The following ROR1 variants were observed in gnomAD, a reference collection of about 807,000 sequenced individuals.
ROR1 encodes inactive tyrosine-protein kinase transmembrane receptor ROR1.
In ROR1, 19 loss-of-function variants were observed where a neutral mutation model predicts 78.8. The ratio of observed to expected loss-of-function variants is 0.24; its 90% confidence interval spans 0.17 to 0.35. The LOEUF (loss-of-function observed/expected upper bound fraction) is 0.35, where lower values mean the gene tolerates loss of function less well. Among genes scored for constraint, ROR1 ranks in the 10% least tolerant of loss-of-function variants. ROR1 has a pLI of 1.00. For missense variants in ROR1, 917 were observed against 1,177.8 expected (o/e 0.78, Z 3.24); for synonymous variants, 386 against 433.6 (o/e 0.89, Z 1.36).
At chr1:64,052,804 A>G (rs1646843794) in intron 4 of ROR1, among the ~76,000 whole-genome samples, 1 of 151,954 alleles carries the variant, frequency 6.6e-6, no homozygotes, top group Non-Finnish European at 1.5e-5. Context: ...TTGCAGTTAC[A>G]TCTCCATTCT....
In ROR1 at chr1:63,842,437, G is replaced by A. The variant is rs569092994; in HGVS notation, c.91+67929G>A. On this transcript the variant is annotated intron_variant, in intron 1 of 8. Transcript: ENST00000371079. ...GACATCCATACATGAAGTGCATTGC[G>A]TTACAGGAGAGAAACTCTGAACTTA... Among the ~76,000 whole-genome samples, 14 of 152,274 alleles carry A rather than the reference G, an allele frequency of 9.2e-5. No individual in the cohort carries two copies. The South Asian group carries it at 1.0e-3, about 11-fold the overall frequency.
At position 64,178,885 on chromosome 1, in the gene ROR1, A is replaced by G. The variant is rs775766951; in HGVS notation, c.*30A>G. On this transcript the variant is annotated 3_prime_UTR_variant, in exon 9 of 9. Transcript: ENST00000371079. This position sits in a 1 kb window ranked among gnomAD's most constrained non-coding sequence, Gnocchi z 4.3. ...CACAACTTTTGTAAATGTGGTATAC[A>G]GGACAAACTAGACGGCCGTAGAAAA... 5 of 1,499,216 alleles carry G rather than the reference A, an allele frequency of 3.3e-6. No homozygotes were observed. The highest frequency in any genetic ancestry group is 1.7e-4 in the Middle Eastern group (1 of 5,730). The allele number at this position is 1,499,216 out of a possible 1,614,324, so 92.9% of individuals were successfully genotyped here. A position where few individuals can be genotyped will look rare whatever the true frequency, so the allele number is the denominator to read the frequency against.
chr1:64,045,670 G>A (rs902565166), intron 2 of ROR1, among the ~76,000 whole-genome samples: 2 of 152,102 alleles, frequency 1.3e-5, no homozygotes, highest in African/African-American at 4.8e-5. Flanking sequence ...TGTTTTCCAT[G>A]TGTAAAATGT....
At chr1:63,960,160 A>G (rs1258352313) in intron 1 of ROR1, among the ~76,000 whole-genome samples, 2 of 152,216 alleles carry the variant, frequency 1.3e-5, no homozygotes, top group African/African-American at 2.4e-5. Context: ...TCTTACATCT[A>G]AAAGAAACGT....
intron 1 of ROR1, among the ~76,000 whole-genome samples, chr1:63,780,860 C>G (rs568362459): frequency 1.9e-4 from 29 of 152,190 alleles, no homozygotes; most frequent in Non-Finnish European, 3.5e-4. Flanking sequence ...GGGAATGTTA[C>G]ATTTCAGGGA....
chr1:64,084,814 G>T (rs1341272927), intron 4 of ROR1, among the ~76,000 whole-genome samples: 1 of 152,246 alleles, frequency 6.6e-6, no homozygotes, highest in Non-Finnish European at 1.5e-5. Context: ...GCCTTGAGAA[G>T]GTCAACGCGA....
chr1:63,863,359 A>G (rs1299480668), intron 1 of ROR1, among the ~76,000 whole-genome samples: 5 of 152,198 alleles, frequency 3.3e-5, no homozygotes, highest in African/African-American at 1.2e-4. Flanking sequence ...GAGGTAAATG[A>G]GTAAACAGAT....
At chr1:63,873,870 G>T (rs767967499) in intron 1 of ROR1, among the ~76,000 whole-genome samples, 3 of 152,116 alleles carry the variant, frequency 2.0e-5, no homozygotes, top group Admixed American at 2.0e-4. Flanking sequence ...ACTTGGAAGT[G>T]CTCATATTCT....
intron 1 of ROR1, among the ~76,000 whole-genome samples, chr1:63,883,741 T>C (rs1645338568): frequency 6.6e-6 from 1 of 152,164 alleles, no homozygotes; most frequent in South Asian, 2.1e-4. Context: ...CAGCTTGAGT[T>C]CTGAGTCTGA....
intron 1 of ROR1, among the ~76,000 whole-genome samples, chr1:63,868,766 C>T (rs926283217): frequency 1.3e-5 from 2 of 152,190 alleles, no homozygotes; most frequent in African/African-American, 4.8e-5. Flanking sequence ...TTTCATGGGG[C>T]ACATGCCTCT....
At chr1:63,883,607 G>A (rs1036294581) in intron 1 of ROR1, among the ~76,000 whole-genome samples, 1 of 152,122 alleles carries the variant, frequency 6.6e-6, no homozygotes, top group African/African-American at 2.4e-5. Context: ...GAAATGAGCT[G>A]GCCTCAGAGA....
chr1:63,852,512 T>G (rs550055469), intron 1 of ROR1, among the ~76,000 whole-genome samples: 14 of 152,368 alleles, frequency 9.2e-5, no homozygotes, highest in African/African-American at 3.4e-4. Flanking sequence ...GAGGTGTTTT[T>G]ATTCACAGAT....
intron 1 of ROR1, among the ~76,000 whole-genome samples, chr1:63,852,907 A>G (rs1480127638): frequency 6.6e-6 from 1 of 152,204 alleles, no homozygotes; most frequent in African/African-American, 2.4e-5. Flanking sequence ...TCTGTGGCCC[A>G]GGGTTTACAG....
chr1:64,079,301 A>G (rs1647078779), intron 4 of ROR1, among the ~76,000 whole-genome samples: 1 of 152,212 alleles, frequency 6.6e-6, no homozygotes, highest in Non-Finnish European at 1.5e-5. Flanking sequence ...ATCATCTGCC[A>G]AGGATGTTGT....
At chr1:63,988,261 T>C (rs1373270410) in intron 1 of ROR1, among the ~76,000 whole-genome samples, 1 of 152,190 alleles carries the variant, frequency 6.6e-6, no homozygotes, top group African/African-American at 2.4e-5. Flanking sequence ...TGTATTTTTA[T>C]GGAAAAATAA....
rs1645286943 is a variant in ROR1 at position 63,876,647 on chromosome 1, TG to T, written c.91+102140del. On this transcript the variant is annotated intron_variant, in intron 1 of 8. Coordinates refer to ENST00000371079, the MANE Select transcript of ROR1 (RefSeq NM_005012.4). ...TATGCATGTGTTTCCACGAAAGGGG[TG>T]TGTGTGTGTGTGTGTGTGTGTGTGT... is the stretch of plus-strand genomic sequence containing the variant. Among the ~76,000 whole-genome samples the T allele has an allele frequency of 2.9e-5, 3 of 101,730 alleles. No individual in the cohort carries two copies. The East Asian group carries it at 7.8e-4, about 26-fold the overall frequency. 66.7% of individuals were successfully genotyped at this position (101,730 alleles called of 152,430 possible). A position where few individuals can be genotyped will look rare whatever the true frequency, so the allele number is the denominator to read the frequency against.
chr1:63,936,993 T>C (rs2100451599), intron 1 of ROR1, among the ~76,000 whole-genome samples: 1 of 152,314 alleles, frequency 6.6e-6, no homozygotes, highest in South Asian at 2.1e-4. Context: ...TTATTATGTG[T>C]CCAGTGTGTT....
At chr1:63,963,099 A>G (rs969310243) in intron 1 of ROR1, among the ~76,000 whole-genome samples, 1 of 152,186 alleles carries the variant, frequency 6.6e-6, no homozygotes, top group Non-Finnish European at 1.5e-5. Context: ...GACATCTGTT[A>G]TCTTTACACC....
chr1:63,883,213 A>AT (rs1305055148), intron 1 of ROR1, among the ~76,000 whole-genome samples: 1 of 151,902 alleles, frequency 6.6e-6, no homozygotes, highest in African/African-American at 2.4e-5. Flanking sequence ...CAACTCTGAG[A>AT]TTTTTTTCAT....
Sources: gnomAD v4.1 joint callset for allele counts (sites outside exome capture counted in the v4.1 genomes callset) on GRCh38, gnomAD v4.1.1 for gene constraint, Gnocchi (gnomAD v3.1) non-coding constraint, MANE v1.5 for transcripts, NCBI Gene and HGNC (gene_info 2026-07-23, HGNC 2026-07-21) for gene names.